RNPEP: variants seen among roughly 807,000 people sequenced by gnomAD.
The protein encoded by RNPEP is arginyl aminopeptidase.
In RNPEP, 57 loss-of-function variants were observed where a neutral mutation model predicts 70.1. The observed-to-expected ratio is 0.81, with a 90% CI of 0.66 to 1.01. The LOEUF (loss-of-function observed/expected upper bound fraction) is 1.01. RNPEP is among the 50% of genes least tolerant of loss of function. The pLI is 0.00. For missense variants in RNPEP, 787 were observed against 852.4 expected (o/e 0.92, Z 0.96); for synonymous variants, 335 against 357.4 (o/e 0.94, Z 0.71).
intron 9 of RNPEP, 91 bp from the exon 10 acceptor site, chr1:202,004,263 A>G: frequency 7.1e-7 from 1 of 1,408,950 alleles, no homozygotes; most frequent in Non-Finnish European, 9.8e-7. Context: ...CCTGACCTCA[A>G]GTGATCCGCC....
chr1:202,002,193 C>T (rs1484582606), intron 8 of RNPEP, among the ~76,000 whole-genome samples: 2 of 136,760 alleles, frequency 1.5e-5, no homozygotes, highest in East Asian at 2.2e-4. Context: ...GATGGAGTTT[C>T]GCTCTTGTTG....
rs771067368 is a variant in RNPEP, at chr1:202,001,391, A to T, written c.1220A>T (p.Asp407Val). The T allele has an allele frequency of 6.2e-7, 1 of 1,613,774 alleles. No individual in the cohort carries two copies. Residue 407 changes from aspartate (D) to valine (V), a missense_variant, in exon 7 of 11, where the codon GAC becomes GTC. Physicochemically the swap from Asp to Val is radical, Grantham distance 152. Transcript: ENST00000295640. ...CCTCTGCCAGGCGTTGACCCGGACGACACCTATAATGAGACCCCCTACGAG... is the reference window on the plus strand; with the variant it reads ...CCTCTGCCAGGCGTTGACCCGGACGTCACCTATAATGAGACCCCCTACGAG... The part of the protein sequence containing the change: ...VKIEPGVDPD[D>V]TYNETPYEKG...
Position 201,983,172 on chromosome 1 carries a change from C to T in RNPEP, c.447+59C>T, listed in dbSNP as rs1683002968. 2.8e-6 allele frequency: 4 copies of T among 1,422,598 alleles called. No individual in the cohort carries two copies. The Admixed American group carries it at 1.3e-4, about 45-fold the overall frequency. The allele number at this position is 1,422,598 out of a possible 1,614,324, so 88.1% of individuals were successfully genotyped here. A position where few individuals can be genotyped will look rare whatever the true frequency, so the allele number is the denominator to read the frequency against. On this transcript the variant is annotated intron_variant, in intron 1 of 10. Coordinates refer to ENST00000295640, the MANE Select transcript of RNPEP (RefSeq NM_020216.4). The stretch of plus-strand genomic sequence containing the variant: ...TGCCTGCCCTTCCGGCCCCCAGCCG[C>T]CCTGCACCCTCACCTACCCCACCCG...
intron 3 of RNPEP, among the ~76,000 whole-genome samples, chr1:201,992,751 T>C (rs7514996): frequency 0.057 from 8,699 of 152,216 alleles, 788 homozygotes; most frequent in African/African-American, 0.2. Flanking sequence ...TCTCTACTTC[T>C]ATAAGTGGGT....
chr1:202,003,030 T>C, intron 8 of RNPEP: 1 of 550,056 alleles, frequency 1.8e-6, no homozygotes, highest in South Asian at 2.4e-5. Context: ...GAAAAGCACT[T>C]TCACGGTCGA....
chr1:201,984,664 G>C (rs1304593755), intron 1 of RNPEP, among the ~76,000 whole-genome samples: 2 of 152,176 alleles, frequency 1.3e-5, no homozygotes, highest in East Asian at 1.9e-4. Flanking sequence ...TTTGGTGGAG[G>C]GGGGATGATG....
In RNPEP at chr1:201,982,972, G is replaced by A; in HGVS notation, c.306G>A (p.Glu102=). 1.3e-6 allele frequency: 2 copies of A among 1,506,768 alleles called. No individual in the cohort carries two copies. Among genetic ancestry groups the A allele is most frequent in the Non-Finnish European group, 1.8e-6 (2 of 1,130,650 alleles). 93.3% of individuals were successfully genotyped at this position (1,506,768 alleles called of 1,614,324 possible). A position where few individuals can be genotyped will look rare whatever the true frequency, so the allele number is the denominator to read the frequency against. ...GGCGGGAGCGGCCCGGCTCGGAGGAGCCGCCTGCGGAGCCCGTGAGCTTCT... is the reference window on the plus strand; with the variant it reads ...GGCGGGAGCGGCCCGGCTCGGAGGAACCGCCTGCGGAGCCCGTGAGCTTCT... The part of the protein sequence containing the change: ...ALRRERPGSE[E]PPAEPVSFYT... Residue 102 remains glutamate, a synonymous_variant, in exon 1 of 11, where the codon GAG becomes GAA. Transcript: ENST00000295640.
chr1:201,983,101 G>A lies in RNPEP; in HGVS notation c.435G>A (p.Gly145=), dbSNP rs1434177274. Residue 145 remains glycine, a synonymous_variant, in exon 1 of 11, where the codon GGG becomes GGA. Coordinates refer to ENST00000295640, the MANE Select transcript of RNPEP (RefSeq NM_020216.4). ...RLQVLLTYRV[G]EGPGVCWLAP... is the part of the protein sequence containing the mutation. ...AGGTGCTGCTCACCTACCGCGTCGG[G>A]GAGGGACCCGGGGTGAGTGCGCCCC... 1.0e-5 allele frequency: 15 copies of A among 1,495,882 alleles called. No homozygotes were observed. Among genetic ancestry groups the A allele is most frequent in the Admixed American group, 4.6e-5 (2 of 43,928 alleles). The allele number at this position is 1,495,882 out of a possible 1,614,324, so 92.7% of individuals were successfully genotyped here.
intron 1 of RNPEP, among the ~76,000 whole-genome samples, chr1:201,988,054 C>G (rs966904210): frequency 6.7e-6 from 1 of 149,380 alleles, no homozygotes; most frequent in Non-Finnish European, 1.5e-5. Context: ...GCAGGAGACT[C>G]GCTTGAACCC....
At chr1:201,994,799 T>G (rs1683483910) in intron 3 of RNPEP, among the ~76,000 whole-genome samples, 1 of 149,906 alleles carries the variant, frequency 6.7e-6, no homozygotes, top group South Asian at 2.1e-4. Flanking sequence ...CTCAGGTAGC[T>G]GGGATTACAG....
intron 10 of RNPEP, 144 bp downstream of exon 10, chr1:202,004,640 G>A (rs1683975327): frequency 2.0e-6 from 2 of 977,596 alleles, no homozygotes; most frequent in Non-Finnish European, 3.0e-6. Context: ...CTACCACTCA[G>A]CCTCTTTACT....
In RNPEP at chr1:201,982,900, G is replaced by A; in HGVS notation, c.234G>A (p.Leu78=). The A allele has an allele frequency of 7.0e-7, 1 of 1,437,906 alleles. No homozygotes were observed. The highest frequency in any genetic ancestry group is 9.1e-7 in the Non-Finnish European group (1 of 1,102,126). The allele number at this position is 1,437,906 out of a possible 1,614,324, so 89.1% of individuals were successfully genotyped here. The change falls in exon 1 of 11, where the codon CTG becomes CTA. Residue 78 remains leucine, a synonymous_variant. Transcript: ENST00000295640. ...RCLEPEGAAE[L]RLDSHPCLEV... ...TGGAGCCCGAGGGCGCCGCCGAGCT[G>A]CGGCTGGACTCGCACCCGTGCCTGG...
Position 202,006,057 on chromosome 1 carries a change from G to A in RNPEP, c.*341G>A. ...TTTTTCTCTTTCTGTCCTTTTTCTT[G>A]CTGATTTTATGCAAAGGGCTGGCAT... On this transcript the variant is annotated 3_prime_UTR_variant, in exon 11 of 11. Transcript: ENST00000295640. The A allele has an allele frequency of 4.4e-6, 1 of 229,696 alleles. No individual in the cohort carries two copies. The allele number at this position is 229,696 out of a possible 1,614,324, so 14.2% of individuals were successfully genotyped here. A position where few individuals can be genotyped will look rare whatever the true frequency, so the allele number is the denominator to read the frequency against.
intron 3 of RNPEP, among the ~76,000 whole-genome samples, chr1:201,993,215 T>C (rs1236077813): frequency 2.6e-5 from 4 of 152,226 alleles, no homozygotes; most frequent in Non-Finnish European, 4.4e-5. Flanking sequence ...TCTGGGACTT[T>C]GCCTCATCAT....
intron 8 of RNPEP, among the ~76,000 whole-genome samples, chr1:202,002,953 A>G (rs16849535): frequency 0.36 from 54,623 of 152,030 alleles, 11,031 homozygotes; most frequent in Admixed American, 0.45. Flanking sequence ...TGTGATCGGT[A>G]GGAGAATGTG....
At chr1:201,989,315 C>A in intron 2 of RNPEP, 68 bp from the exon 3 acceptor site, 1 of 1,564,778 alleles carries the variant, frequency 6.4e-7, no homozygotes, top group Non-Finnish European at 8.7e-7. Flanking sequence ...GCCGGTCATG[C>A]TCTTATTCAA....
At chr1:202,004,786 G>A (rs184076207) in intron 10 of RNPEP, among the ~76,000 whole-genome samples, 3 of 152,384 alleles carry the variant, frequency 2.0e-5, no homozygotes, top group African/African-American at 7.2e-5. Context: ...GAGGGTGACA[G>A]TGTCATGTGG....
rs531435698 is a variant in RNPEP at position 202,004,788 on chromosome 1, G to C, written c.1794+292G>C. Among the ~76,000 whole-genome samples the C allele has an allele frequency of 2.0e-5, 3 of 152,250 alleles. No homozygotes were observed. In the East Asian group the frequency reaches 5.8e-4, roughly 29 times the overall value. ...CAGAGGCGGGAAAGAGGGTGACAGTGTCATGTGGGAAACACAAGAGGGAAA... is the reference window on the plus strand; with the variant it reads ...CAGAGGCGGGAAAGAGGGTGACAGTCTCATGTGGGAAACACAAGAGGGAAA... On this transcript the variant is annotated intron_variant, in intron 10 of 10. Transcript: ENST00000295640.
chr1:201,993,624 A>G (rs1016604864), intron 3 of RNPEP, among the ~76,000 whole-genome samples: 2 of 147,808 alleles, frequency 1.4e-5, no homozygotes, highest in Non-Finnish European at 3.0e-5. Flanking sequence ...AAAAAAAAAA[A>G]CAAACTCGGC....
Sources: allele counts gnomAD v4.1 joint callset (sites outside exome capture counted in the v4.1 genomes callset), GRCh38; gene constraint gnomAD v4.1.1; transcripts MANE v1.5; gene names NCBI Gene and HGNC (gene_info 2026-07-23, HGNC 2026-07-21).